Variants in CTNND2 observed in about 807,000 individuals in gnomAD.
The protein encoded by CTNND2 is catenin delta 2.
Under a neutral mutation model 144.4 loss-of-function variants are expected in CTNND2, and 22 were observed. That is an observed-to-expected ratio of 0.15 (90% CI 0.11 to 0.22). CTNND2 has a LOEUF of 0.22. Ranked by LOEUF, CTNND2 falls within the 10% of genes least tolerant of loss-of-function variation. CTNND2 has a pLI of 1.00. For missense variants in CTNND2, 1,353 were observed against 1,618.8 expected (o/e 0.84, Z 2.82); for synonymous variants, 751 against 695.6 (o/e 1.08, Z -1.25).
At chr5:11,756,832 T>C (rs1266362942) in intron 1 of CTNND2, among the ~76,000 whole-genome samples, 1 of 151,638 alleles carries the variant, frequency 6.6e-6, no homozygotes, top group Admixed American at 6.6e-5. Flanking sequence ...AGTTCTCTCC[T>C]CTACAAATGT....
At chr5:11,078,331 CA>C (rs1196027805) in intron 16 of CTNND2, among the ~76,000 whole-genome samples, 1 of 152,158 alleles carries the variant, frequency 6.6e-6, no homozygotes, top group African/African-American at 2.4e-5. Flanking sequence ...CTCTTAAATA[CA>C]ATCCAATGTT....
At chr5:11,560,249 GTCT>G (rs1405153155) in intron 3 of CTNND2, among the ~76,000 whole-genome samples, 1 of 152,164 alleles carries the variant, frequency 6.6e-6, no homozygotes, top group Non-Finnish European at 1.5e-5. Context: ...ATCAGCATAA[GTCT>G]TCTAAGAGTT....
intron 16 of CTNND2, among the ~76,000 whole-genome samples, chr5:11,024,940 T>C (rs1169802568): frequency 1.3e-5 from 2 of 152,198 alleles, no homozygotes; most frequent in Non-Finnish European, 2.9e-5. Context: ...CTCACCCCAA[T>C]GTGCCATTCA....
chr5:11,285,097 A>G (rs778671751), intron 9 of CTNND2, among the ~76,000 whole-genome samples: 1 of 152,190 alleles, frequency 6.6e-6, no homozygotes, highest in African/African-American at 2.4e-5. Flanking sequence ...CACCTTTGAT[A>G]TCTGATTCCC....
intron 10 of CTNND2, among the ~76,000 whole-genome samples, chr5:11,203,934 A>G (rs1236261501): frequency 6.6e-6 from 1 of 152,250 alleles, no homozygotes; most frequent in Middle Eastern, 3.2e-3. Context: ...GACAGTGACC[A>G]GAAGGGACTT....
intron 3 of CTNND2, among the ~76,000 whole-genome samples, chr5:11,486,611 G>A (rs950143695): frequency 6.6e-6 from 1 of 152,006 alleles, no homozygotes; most frequent in Non-Finnish European, 1.5e-5. Context: ...GAATCCAGGA[G>A]GAATGAAGGA....
intron 14 of CTNND2, among the ~76,000 whole-genome samples, chr5:11,100,810 G>A (rs1486316041): frequency 1.3e-5 from 2 of 152,160 alleles, no homozygotes; most frequent in Non-Finnish European, 2.9e-5. Context: ...AACAGCAAGA[G>A]GTACAGAGAA....
At chr5:11,641,768 G>C (rs1023201233) in intron 2 of CTNND2, among the ~76,000 whole-genome samples, 1 of 145,490 alleles carries the variant, frequency 6.9e-6, no homozygotes. Flanking sequence ...ATACATATAC[G>C]TATATGTATG....
intron 1 of CTNND2, among the ~76,000 whole-genome samples, chr5:11,741,190 C>T (rs1363672903): frequency 6.6e-6 from 1 of 152,142 alleles, no homozygotes; most frequent in Admixed American, 6.5e-5. Context: ...ACTAGAAATA[C>T]CATTTGGCCA....
At chr5:11,583,572 T>C (rs1408855054) in intron 2 of CTNND2, among the ~76,000 whole-genome samples, 1 of 152,196 alleles carries the variant, frequency 6.6e-6, no homozygotes, top group Non-Finnish European at 1.5e-5. Context: ...TCAATCATAC[T>C]GAGATAATGT....
intron 3 of CTNND2, among the ~76,000 whole-genome samples, chr5:11,468,368 A>C (rs1348421868): frequency 6.6e-6 from 1 of 152,198 alleles, no homozygotes; most frequent in Non-Finnish European, 1.5e-5. Flanking sequence ...ATGAATAATA[A>C]ACTCATTTAG....
At chr5:11,234,899 C>T (rs1025754886) in intron 10 of CTNND2, among the ~76,000 whole-genome samples, 39 of 152,186 alleles carry the variant, frequency 2.6e-4, no homozygotes, top group African/African-American at 8.9e-4. Context: ...AGTTTCAACC[C>T]GTACAAGGCC....
chr5:11,827,753 G>A (rs1310640324), intron 1 of CTNND2, among the ~76,000 whole-genome samples: 4 of 152,078 alleles, frequency 2.6e-5, no homozygotes, highest in African/African-American at 9.7e-5. Context: ...TGCACAACAA[G>A]TATAACTTTC....
At chr5:11,684,802 G>C (rs1784570607) in intron 2 of CTNND2, among the ~76,000 whole-genome samples, 1 of 152,144 alleles carries the variant, frequency 6.6e-6, no homozygotes, top group African/African-American at 2.4e-5. Flanking sequence ...TACTACTCGA[G>C]GATTTTATGC....
intron 2 of CTNND2, among the ~76,000 whole-genome samples, chr5:11,608,735 C>T (rs1410571419): frequency 6.6e-6 from 1 of 152,192 alleles, no homozygotes. Context: ...CACCCACCAC[C>T]TCCAGAGTCT....
intron 1 of CTNND2, among the ~76,000 whole-genome samples, chr5:11,776,602 C>T (rs967123700): frequency 6.6e-6 from 1 of 152,150 alleles, no homozygotes; most frequent in Non-Finnish European, 1.5e-5. Context: ...TACATGGGAA[C>T]ACTGAGACTC....
intron 2 of CTNND2, among the ~76,000 whole-genome samples, chr5:11,592,626 A>T (rs1236536120): frequency 2.0e-5 from 3 of 152,174 alleles, no homozygotes; most frequent in East Asian, 3.9e-4. Flanking sequence ...AAAAAAAAAA[A>T]ATCTTTGCAG....
intron 1 of CTNND2, among the ~76,000 whole-genome samples, chr5:11,781,394 A>G (rs1338442001): frequency 3.3e-5 from 5 of 152,226 alleles, no homozygotes; most frequent in Admixed American, 3.3e-4. Flanking sequence ...CAAAGCCACA[A>G]AGAAATATGA....
chr5:11,561,796 C>T (rs138129309), intron 3 of CTNND2, among the ~76,000 whole-genome samples: 18 of 152,242 alleles, frequency 1.2e-4, no homozygotes, highest in African/African-American at 4.1e-4. Flanking sequence ...AGTCCCAGCA[C>T]TTTGTGGGGT....
Sources: allele counts gnomAD v4.1 joint callset (sites outside exome capture counted in the v4.1 genomes callset), GRCh38; gene constraint gnomAD v4.1.1; transcripts MANE v1.5; gene names NCBI Gene and HGNC (gene_info 2026-07-23, HGNC 2026-07-21).